Variants in FMN1 observed in about 807,000 individuals in gnomAD.
FMN1 encodes formin 1, also known as formin-1.
A neutral mutation model predicts 132.4 loss-of-function variants in FMN1; 110 were observed. The observed-to-expected ratio is 0.83, with a 90% CI of 0.71 to 0.97. FMN1 has a LOEUF of 0.97. FMN1 is among the 50% of genes least tolerant of loss of function. FMN1 has a pLI of 0.00. For missense variants in FMN1, 1,792 were observed against 1,705.3 expected, an observed-to-expected ratio of 1.05 and a Z score of -0.90; for synonymous variants, 722 against 651.7, an observed-to-expected ratio of 1.11 and a Z score of -1.64.
rs148509838 is a variant in FMN1, at chr15:32,992,107, T to C, written c.2223+15907A>G. Among the ~76,000 whole-genome samples, 307 of 152,272 alleles carry C rather than the reference T, an allele frequency of 2.0e-3. 1 individual carries two copies. The highest frequency in any genetic ancestry group is 6.4e-3 in the African/African-American group (265 of 41,564). On this transcript the variant is annotated intron_variant, in intron 7 of 20. Transcript: ENST00000616417. ...ACTAGTGTAGCTGATGTTGCCAGATTTGTAATGCAATCTTGTTTTCTCCCC... is the reference window on the plus strand; with the variant it reads ...ACTAGTGTAGCTGATGTTGCCAGATCTGTAATGCAATCTTGTTTTCTCCCC...
intron 3 of FMN1, among the ~76,000 whole-genome samples, chr15:33,157,385 A>G (rs1362469903): frequency 1.2e-4 from 18 of 152,166 alleles, no homozygotes; most frequent in Admixed American, 1.2e-3. Flanking sequence ...CTGAGCACAT[A>G]TACACTTATA....
At chr15:32,992,491 T>C (rs1414594364) in intron 7 of FMN1, among the ~76,000 whole-genome samples, 1 of 152,148 alleles carries the variant, frequency 6.6e-6, no homozygotes, top group Non-Finnish European at 1.5e-5. Context: ...ATTAGAAATA[T>C]CAAAAGATGC....
At chr15:32,795,906 G>A (rs758685659) in intron 19 of FMN1, among the ~76,000 whole-genome samples, 2 of 152,200 alleles carry the variant, frequency 1.3e-5, no homozygotes, top group Non-Finnish European at 2.9e-5. Context: ...CTCTTCCAAA[G>A]ATATAGTTAA....
At chr15:33,098,568 C>T (rs1417338211) in intron 4 of FMN1, among the ~76,000 whole-genome samples, 1 of 152,176 alleles carries the variant, frequency 6.6e-6, no homozygotes, top group East Asian at 1.9e-4. Flanking sequence ...ATGTTCAAAT[C>T]CAGTATTCTT....
intron 6 of FMN1, among the ~76,000 whole-genome samples, chr15:33,042,777 A>G (rs945518493): frequency 4.8e-5 from 2 of 41,446 alleles, no homozygotes; most frequent in Admixed American, 2.4e-4. Flanking sequence ...GAACCCCCCA[A>G]CTTTTTTTTT....
chr15:33,112,345 C>T (rs1010971044), intron 4 of FMN1, among the ~76,000 whole-genome samples: 4 of 152,194 alleles, frequency 2.6e-5, no homozygotes, highest in Non-Finnish European at 5.9e-5. Flanking sequence ...TTTAAAAACA[C>T]CTATCTCTAT....
chr15:32,913,444 C>T (rs2060612014), intron 10 of FMN1, among the ~76,000 whole-genome samples: 1 of 152,090 alleles, frequency 6.6e-6, no homozygotes, highest in Non-Finnish European at 1.5e-5. Context: ...TCATTCCCTG[C>T]CTCGCCTCAA....
intron 7 of FMN1, among the ~76,000 whole-genome samples, chr15:32,985,948 C>T (rs1274041670): frequency 6.6e-6 from 1 of 152,066 alleles, no homozygotes; most frequent in Non-Finnish European, 1.5e-5. Context: ...GGGGCCAATG[C>T]AGGTGTTTTC....
intron 15 of FMN1, among the ~76,000 whole-genome samples, chr15:32,892,725 T>C (rs566164550): frequency 3.9e-5 from 6 of 152,308 alleles, no homozygotes; most frequent in Admixed American, 2.6e-4. Flanking sequence ...AAAATTATCA[T>C]TTAATTCTTG....
chr15:33,127,995 G>C (rs987287175), intron 4 of FMN1, among the ~76,000 whole-genome samples: 23 of 152,132 alleles, frequency 1.5e-4, no homozygotes, highest in African/African-American at 5.6e-4. Flanking sequence ...AAGGGCAACG[G>C]GGGAAGGGGA....
At chr15:32,774,398 TC>T in intron 20 of FMN1, 44 bp from the exon 21 acceptor site, 2 of 1,504,786 alleles carry the variant, frequency 1.3e-6, no homozygotes, top group Middle Eastern at 1.7e-4. Flanking sequence ...CTTTCATCTT[TC>T]TCAAGTTTTG....
chr15:33,117,096 C>G (rs947969071), intron 4 of FMN1, among the ~76,000 whole-genome samples: 3 of 151,968 alleles, frequency 2.0e-5, no homozygotes, highest in Non-Finnish European at 2.9e-5. Context: ...AGCCTCAGAT[C>G]CAGGTAAATC....
At chr15:33,088,192 C>T (rs1262387445) in intron 5 of FMN1, among the ~76,000 whole-genome samples, 1 of 151,426 alleles carries the variant, frequency 6.6e-6, no homozygotes, top group African/African-American at 2.4e-5. Context: ...CACCTGTTCG[C>T]CAAAAACCTA....
Position 32,767,264 on chromosome 15 carries a change from T to C in FMN1, c.*7046A>G, listed in dbSNP as rs928266665. On this transcript the variant is annotated 3_prime_UTR_variant, in exon 21 of 21. Transcript: ENST00000616417. Reference sequence around the variant, plus strand: ...GCTTGCAAACTCACAAGATACCAGTTATATGAAGACATAAAACTGCATGGA... The same window carrying C: ...GCTTGCAAACTCACAAGATACCAGTCATATGAAGACATAAAACTGCATGGA... 3.3e-5 allele frequency: 5 copies of C among 152,192 alleles called. No homozygotes were observed. Among genetic ancestry groups the C allele is most frequent in the Non-Finnish European group, 7.3e-5 (5 of 68,038 alleles). 9.4% of individuals were successfully genotyped at this position (152,192 alleles called of 1,614,324 possible). A position where few individuals can be genotyped will look rare whatever the true frequency, so the allele number is the denominator to read the frequency against.
intron 4 of FMN1, among the ~76,000 whole-genome samples, chr15:33,119,729 C>T (rs565009960): frequency 6.6e-6 from 1 of 152,228 alleles, no homozygotes; most frequent in East Asian, 1.9e-4. Flanking sequence ...CAAAACTAAG[C>T]TCTCATATTC....
intron 15 of FMN1, among the ~76,000 whole-genome samples, chr15:32,898,149 T>C (rs990797629): frequency 5.3e-5 from 8 of 152,366 alleles, no homozygotes; most frequent in Admixed American, 5.2e-4. Context: ...CTTCCCTCGA[T>C]GCTTAGGAAC....
intron 4 of FMN1, among the ~76,000 whole-genome samples, chr15:33,124,667 T>A (rs1427593936): frequency 1.3e-5 from 2 of 152,152 alleles, no homozygotes; most frequent in African/African-American, 2.4e-5. Context: ...AATAAAAATA[T>A]CTGAGATTAT....
At chr15:32,947,514 T>C (rs959823981) in intron 9 of FMN1, among the ~76,000 whole-genome samples, 1 of 152,102 alleles carries the variant, frequency 6.6e-6, no homozygotes, top group Non-Finnish European at 1.5e-5. Flanking sequence ...ACATTTGTTC[T>C]TGCATGCAAA....
intron 19 of FMN1, among the ~76,000 whole-genome samples, chr15:32,781,202 T>A (rs2056652632): frequency 6.6e-6 from 1 of 152,248 alleles, no homozygotes; most frequent in Non-Finnish European, 1.5e-5. Context: ...AAATAGTAAA[T>A]ACTTAAAGAT....
Sources: allele counts gnomAD v4.1 joint callset (sites outside exome capture counted in the v4.1 genomes callset), GRCh38; gene constraint gnomAD v4.1.1; transcripts MANE v1.5; gene names NCBI Gene and HGNC (gene_info 2026-07-23, HGNC 2026-07-21).